The following RBFOX1 variants were observed in gnomAD, a reference collection of about 807,000 sequenced individuals.
RBFOX1 encodes the protein RNA binding fox-1 homolog 1, also known as RNA binding protein fox-1 homolog 1.
In RBFOX1, 8 loss-of-function variants were observed where a neutral mutation model predicts 57.7. The ratio of observed to expected loss-of-function variants is 0.14; its 90% CI spans 0.08 to 0.25. The LOEUF is 0.25. RBFOX1 is among the 10% of genes least tolerant of loss of function. The probability of loss-of-function intolerance (pLI) is 1.00; values close to 1 mark genes in which losing one functional copy is unlikely to be tolerated. For synonymous variants in RBFOX1, 326 were observed against 222.4 expected, an observed-to-expected ratio of 1.47 and a Z score of -4.15; for missense variants, 611 against 548.5, an observed-to-expected ratio of 1.11 and a Z score of -1.14.
intron 3 of RBFOX1, among the ~76,000 whole-genome samples, chr16:5,688,744 C>G (rs1204274376): frequency 1.3e-5 from 2 of 152,124 alleles, no homozygotes; most frequent in Admixed American, 6.5e-5. Context: ...TAAGCTCAGA[C>G]AAAAAGGAGA....
At chr16:7,239,373 C>G (rs1475619753) in intron 4 of RBFOX1, among the ~76,000 whole-genome samples, 1 of 152,118 alleles carries the variant, frequency 6.6e-6, no homozygotes, top group Non-Finnish European at 1.5e-5. Context: ...GTGGTGCATG[C>G]CTGTAATCCC....
rs540235210 is a variant in RBFOX1 at position 5,387,778 on chromosome 16, A to G, written c.220-79438A>G. ...TACGTTCCATGGCAAAGGGGCATCAATGTTGTGGGTGGAATTAAGGTTGGT... is the reference window on the plus strand; with the variant it reads ...TACGTTCCATGGCAAAGGGGCATCAGTGTTGTGGGTGGAATTAAGGTTGGT... On this transcript the variant is annotated intron_variant, in intron 1 of 2. Coordinates refer to the RBFOX1 transcript ENST00000585867. Among the ~76,000 whole-genome samples, 221 of 152,290 alleles carry G rather than the reference A, an allele frequency of 1.5e-3. 1 individual carries two copies. The highest frequency in any genetic ancestry group is 5.0e-3 in the African/African-American group (207 of 41,552).
At chr16:6,238,508 C>G (rs2097523290) in intron 1 of RBFOX1, among the ~76,000 whole-genome samples, 1 of 152,146 alleles carries the variant, frequency 6.6e-6, no homozygotes, top group South Asian at 2.1e-4. Context: ...TGTGGTTTTT[C>G]CATATGTCCA....
At chr16:6,579,226 A>G (rs951432224) in intron 2 of RBFOX1, among the ~76,000 whole-genome samples, 2 of 151,954 alleles carry the variant, frequency 1.3e-5, no homozygotes, top group Non-Finnish European at 2.9e-5. Context: ...GTTTTTGAGA[A>G]AAGGTCTTAT....
intron 3 of RBFOX1, among the ~76,000 whole-genome samples, chr16:5,739,258 G>A (rs1785168940): frequency 6.6e-6 from 1 of 152,194 alleles, no homozygotes; most frequent in Admixed American, 6.5e-5. Flanking sequence ...GTCCAATATG[G>A]ATATTAAGGC....
intron 2 of RBFOX1, among the ~76,000 whole-genome samples, chr16:6,575,192 C>T (rs550392065): frequency 6.6e-6 from 1 of 152,208 alleles, no homozygotes; most frequent in Admixed American, 6.5e-5. Context: ...TCATTTTATG[C>T]CTGTGAGTGA....
intron 4 of RBFOX1, among the ~76,000 whole-genome samples, chr16:7,198,241 G>C (rs1049903810): frequency 6.6e-6 from 1 of 151,980 alleles, no homozygotes; most frequent in Non-Finnish European, 1.5e-5. Context: ...TCCTAACGTC[G>C]TGATCTGCCT....
Position 6,656,916 on chromosome 16 carries a change from C to A in RBFOX1, c.-16+2266C>A, listed in dbSNP as rs1263193468. On this transcript the variant is annotated intron_variant, in intron 3 of 15. Transcript: ENST00000550418. ...TCCTCCCCTCAACTCTCCTCTCCTC[C>A]CCTCTCCTCTCCTCCCCTCTCCTCC... is the stretch of plus-strand genomic sequence containing the variant. Among the ~76,000 whole-genome samples, 30 of 111,244 alleles carry A rather than the reference C, an allele frequency of 2.7e-4. 2 individuals are homozygous for A. The highest frequency in any genetic ancestry group is 1.1e-3 in the East Asian group (3 of 2,828). 73.0% of individuals were successfully genotyped at this position (111,244 alleles called of 152,430 possible). A position where few individuals can be genotyped will look rare whatever the true frequency, so the allele number is the denominator to read the frequency against.
chr16:7,576,027 G>C (rs759017908), intron 5 of RBFOX1, among the ~76,000 whole-genome samples: 2 of 151,986 alleles, frequency 1.3e-5, no homozygotes, highest in Non-Finnish European at 2.9e-5. Flanking sequence ...TTGATCTCCT[G>C]GGCTCCAGCC....
chr16:6,159,885 C>G (rs1597905028), intron 1 of RBFOX1, among the ~76,000 whole-genome samples: 4 of 97,726 alleles, frequency 4.1e-5, no homozygotes, highest in African/African-American at 1.2e-4. Flanking sequence ...ATCAGTATCT[C>G]CTTAAATTTG....
chr16:6,878,412 T>A (rs985681012), intron 3 of RBFOX1, among the ~76,000 whole-genome samples: 1 of 152,222 alleles, frequency 6.6e-6, no homozygotes, highest in Non-Finnish European at 1.5e-5. Context: ...TGATGGATTT[T>A]CCTTCATCCA....
chr16:5,622,380 G>A (rs541304579), intron 3 of RBFOX1, among the ~76,000 whole-genome samples: 1 of 152,186 alleles, frequency 6.6e-6, no homozygotes, highest in Non-Finnish European at 1.5e-5. Flanking sequence ...AGGTTCCATG[G>A]GGTAAGGAGT....
intron 1 of RBFOX1, among the ~76,000 whole-genome samples, chr16:5,425,977 G>T (rs1369181629): frequency 6.6e-6 from 1 of 152,190 alleles, no homozygotes; most frequent in Non-Finnish European, 1.5e-5. Flanking sequence ...TGGAAGGAGA[G>T]AGTGTGCAGG....
At chr16:6,292,537 G>A (rs1029063632) in intron 1 of RBFOX1, among the ~76,000 whole-genome samples, 9 of 152,022 alleles carry the variant, frequency 5.9e-5, no homozygotes, top group Non-Finnish European at 1.2e-4. Flanking sequence ...TTGGCTTTTT[G>A]TCTTGCTTTG....
Position 6,818,771 on chromosome 16 carries a change from G to T in RBFOX1, c.-16+164121G>T, listed in dbSNP as rs144749614. The stretch of plus-strand genomic sequence containing the variant: ...AAGCTTCACAAGGGGGAGTGTGATC[G>T]AGGCCTGGCCACTGATGCCATTTCA... On this transcript the variant is annotated intron_variant, in intron 3 of 15. Transcript: ENST00000550418. Among the ~76,000 whole-genome samples the T allele has an allele frequency of 3.4e-4, 52 of 152,220 alleles. 1 individual carries two copies. The highest frequency in any genetic ancestry group is 1.3e-3 in the African/African-American group (52 of 41,540).
At chr16:5,717,836 A>G (rs1169825907) in intron 3 of RBFOX1, among the ~76,000 whole-genome samples, 1 of 152,234 alleles carries the variant, frequency 6.6e-6, no homozygotes, top group East Asian at 1.9e-4. Flanking sequence ...CCACTATGTC[A>G]GATAGATAGG....
chr16:5,737,444 C>G (rs915172093), intron 3 of RBFOX1, among the ~76,000 whole-genome samples: 1 of 151,844 alleles, frequency 6.6e-6, no homozygotes, highest in Admixed American at 6.6e-5. Flanking sequence ...CGAGATCATG[C>G]TGCTACACTG....
At chr16:5,982,604 T>C (rs1413920813) in intron 4 of RBFOX1, among the ~76,000 whole-genome samples, 1 of 152,146 alleles carries the variant, frequency 6.6e-6, no homozygotes, top group Non-Finnish European at 1.5e-5. Flanking sequence ...AGCCCTCTCA[T>C]ACCTAGAATG....
At chr16:5,378,000 A>G (rs1302515061) in intron 1 of RBFOX1, among the ~76,000 whole-genome samples, 7 of 151,544 alleles carry the variant, frequency 4.6e-5, no homozygotes, top group Non-Finnish European at 7.4e-5. Context: ...TTAAAGCACA[A>G]TGACCTTTTC....
Sources: gnomAD v4.1 joint callset for allele counts (sites outside exome capture counted in the v4.1 genomes callset) on GRCh38, gnomAD v4.1.1 for gene constraint, MANE v1.5 for transcripts, NCBI Gene and HGNC (gene_info 2026-07-23, HGNC 2026-07-21) for gene names.